SLC35F4: variants seen among roughly 807,000 people sequenced by gnomAD.
The protein encoded by SLC35F4 is solute carrier family 35 member F4, also known as chromosome 14 open reading frame 36.
A neutral mutation model predicts 44.2 loss-of-function variants in SLC35F4; 24 were observed. That is an observed-to-expected ratio of 0.54 (90% confidence interval 0.39 to 0.76). The LOEUF is 0.76. SLC35F4 is among the 30% of genes least tolerant of loss of function. SLC35F4 has a pLI of 0.00. For synonymous variants in SLC35F4, 238 were observed against 223.6 expected (o/e 1.06, Z -0.57); for missense variants, 562 against 586.1 (o/e 0.96, Z 0.42).
chr14:57,976,248 T>C (rs1002687167), downstream of SLC35F4, among the ~76,000 whole-genome samples: 1 of 152,188 alleles, frequency 6.6e-6, no homozygotes, highest in African/African-American at 2.4e-5. Context: ...GGCAATGATA[T>C]ACTGGGGAAA....
chr14:57,646,725 T>A (rs2073541165), intron 1 of SLC35F4, among the ~76,000 whole-genome samples: 1 of 152,240 alleles, frequency 6.6e-6, no homozygotes, highest in African/African-American at 2.4e-5. Flanking sequence ...GGGTGTCAAA[T>A]TTAGATCTTT....
chr14:57,743,089 T>G (rs1161644689), intron 1 of SLC35F4, among the ~76,000 whole-genome samples: 1 of 152,130 alleles, frequency 6.6e-6, no homozygotes, highest in Non-Finnish European at 1.5e-5. Flanking sequence ...AGAGGGAAAT[T>G]TATAGCACTA....
At chr14:57,878,726 AT>A (rs964984253) in intron 1 of SLC35F4, among the ~76,000 whole-genome samples, 13 of 150,282 alleles carry the variant, frequency 8.7e-5, no homozygotes, top group East Asian at 3.9e-4. Context: ...GGACAACCGC[AT>A]TTTTTTTTAT....
chr14:57,657,150 T>C (rs1442992723), intron 1 of SLC35F4, among the ~76,000 whole-genome samples: 1 of 152,228 alleles, frequency 6.6e-6, no homozygotes, highest in African/African-American at 2.4e-5. Flanking sequence ...TCTTTCCCTG[T>C]GTCCAGGTCT....
intron 1 of SLC35F4, among the ~76,000 whole-genome samples, chr14:57,615,114 G>C (rs1444087001): frequency 6.6e-6 from 1 of 152,156 alleles, no homozygotes; most frequent in South Asian, 2.1e-4. Flanking sequence ...TTCCAGCTAA[G>C]TACAAGTTAA....
intron 1 of SLC35F4, among the ~76,000 whole-genome samples, chr14:57,783,177 A>T (rs112823680): frequency 5.0e-4 from 76 of 152,304 alleles, no homozygotes; most frequent in African/African-American, 1.6e-3. Flanking sequence ...TGTGAGAAAA[A>T]GTGGTCATTA....
chr14:57,686,363 C>T (rs1262095473), intron 1 of SLC35F4, among the ~76,000 whole-genome samples: 1 of 152,176 alleles, frequency 6.6e-6, no homozygotes. Context: ...TTAAAGGATG[C>T]TATTTCCAGC....
At chr14:57,923,821 A>T (rs1229496094) in intron 1 of SLC35F4, among the ~76,000 whole-genome samples, 1 of 152,230 alleles carries the variant, frequency 6.6e-6, no homozygotes. Context: ...TATCTGTCTT[A>T]GTCCATTTTG....
At chr14:57,589,868 A>G (rs2070045820) in intron 2 of SLC35F4, among the ~76,000 whole-genome samples, 2 of 152,168 alleles carry the variant, frequency 1.3e-5, no homozygotes, top group African/African-American at 4.8e-5. Flanking sequence ...ATGTGAGAAG[A>G]CATGAGGCAT....
chr14:57,657,064 T>C (rs1252148992), intron 1 of SLC35F4, among the ~76,000 whole-genome samples: 2 of 152,216 alleles, frequency 1.3e-5, no homozygotes, highest in African/African-American at 4.8e-5. Context: ...ACCAAAGCTG[T>C]CAATGAGTCA....
At chr14:57,835,088 C>T (rs1595172168) in intron 1 of SLC35F4, among the ~76,000 whole-genome samples, 1 of 152,258 alleles carries the variant, frequency 6.6e-6, no homozygotes, top group African/African-American at 2.4e-5. Flanking sequence ...TATTAACAGA[C>T]CAATACAGAA....
chr14:57,839,439 G>C (rs1271228137), intron 1 of SLC35F4, among the ~76,000 whole-genome samples: 2 of 152,196 alleles, frequency 1.3e-5, no homozygotes, highest in African/African-American at 2.4e-5. Context: ...CAGAGACATA[G>C]ATGGAGCTGG....
At chr14:57,940,519 C>T (rs1440035939) in intron 1 of SLC35F4, among the ~76,000 whole-genome samples, 2 of 152,152 alleles carry the variant, frequency 1.3e-5, no homozygotes, top group African/African-American at 4.8e-5. Context: ...CTAATGCTAC[C>T]AGGCATAGAG....
At chr14:57,748,247 T>A (rs1034219662) in intron 1 of SLC35F4, among the ~76,000 whole-genome samples, 3 of 152,124 alleles carry the variant, frequency 2.0e-5, no homozygotes, top group Admixed American at 6.6e-5. Context: ...GAGCCCCAAA[T>A]ACTGAATTCT....
intron 1 of SLC35F4, among the ~76,000 whole-genome samples, chr14:57,874,586 G>A (rs928616867): frequency 2.0e-5 from 3 of 152,146 alleles, no homozygotes. Context: ...TGGTTCAGAG[G>A]CCCCTCGATG....
At chr14:57,745,762 CT>C (rs2076736963) in intron 1 of SLC35F4, among the ~76,000 whole-genome samples, 1 of 152,274 alleles carries the variant, frequency 6.6e-6, no homozygotes, top group East Asian at 1.9e-4. Context: ...ATAAATCATG[CT>C]ACTATAAAGA....
intron 1 of SLC35F4, among the ~76,000 whole-genome samples, chr14:57,725,783 G>A (rs1459377741): frequency 6.6e-6 from 1 of 152,174 alleles, no homozygotes; most frequent in Non-Finnish European, 1.5e-5. Flanking sequence ...CTCTGAATCA[G>A]CGTCCAATAT....
chr14:57,799,943 G>A (rs1314286202), intron 1 of SLC35F4, among the ~76,000 whole-genome samples: 2 of 152,148 alleles, frequency 1.3e-5, no homozygotes, highest in African/African-American at 2.4e-5. Context: ...GCCAGCTGTG[G>A]AGAATACAAA....
At chr14:57,859,461 C>A (rs1409092677) in intron 1 of SLC35F4, among the ~76,000 whole-genome samples, 1 of 152,172 alleles carries the variant, frequency 6.6e-6, no homozygotes, top group Non-Finnish European at 1.5e-5. Flanking sequence ...AGATTTTCTG[C>A]ATTAAGCATG....
Sources: allele counts gnomAD v4.1 joint callset (sites outside exome capture counted in the v4.1 genomes callset), GRCh38; gene constraint gnomAD v4.1.1; transcripts MANE v1.5; gene names NCBI Gene and HGNC (gene_info 2026-07-23, HGNC 2026-07-21).